GDA: variants seen among roughly 807,000 people sequenced by gnomAD.
GDA encodes the protein cytoplasmic PSD-95 interactor.
A neutral mutation model predicts 59.6 loss-of-function variants in GDA; 18 were observed. The ratio of observed to expected loss-of-function variants is 0.30; its 90% CI spans 0.21 to 0.45. The LOEUF is 0.45. Among genes scored for constraint, GDA ranks in the 20% least tolerant of loss-of-function variants. The pLI is 1.00. For synonymous variants in GDA, 201 were observed against 201.1 expected, an observed-to-expected ratio of 1.00 and a Z score of 0.00; for missense variants, 427 against 552.3, an observed-to-expected ratio of 0.77 and a Z score of 2.27.
chr9:72,137,439 G>C (rs1259582435), intron 1 of GDA, among the ~76,000 whole-genome samples: 1 of 151,576 alleles, frequency 6.6e-6, no homozygotes. Flanking sequence ...AGTAGAGATG[G>C]GTTTCACTGT....
chr9:72,256,255 C>T (rs1202087228), downstream of GDA, among the ~76,000 whole-genome samples: 1 of 152,068 alleles, frequency 6.6e-6, no homozygotes, highest in Non-Finnish European at 1.5e-5. Flanking sequence ...ATTTAATTTA[C>T]TAATCATGAA....
chr9:72,219,816 TCC>T (rs932628122), intron 6 of GDA, among the ~76,000 whole-genome samples: 89 of 152,338 alleles, frequency 5.8e-4, no homozygotes, highest in African/African-American at 1.9e-3. Flanking sequence ...ACACATCTAT[TCC>T]CACACACGCT....
chr9:72,234,367 A>G (rs760110570), intron 10 of GDA, among the ~76,000 whole-genome samples: 2 of 152,246 alleles, frequency 1.3e-5, no homozygotes, highest in African/African-American at 2.4e-5. Flanking sequence ...AATTGTTAAC[A>G]TTCTCCAAAC....
chr9:72,200,496 G>A (rs906947714), intron 2 of GDA, among the ~76,000 whole-genome samples: 10 of 144,854 alleles, frequency 6.9e-5, no homozygotes, highest in East Asian at 2.0e-4. Flanking sequence ...TCATTCACCC[G>A]TAACCTCCTC....
intron 11 of GDA, among the ~76,000 whole-genome samples, chr9:72,244,197 A>G (rs962786433): frequency 1.8e-4 from 27 of 152,066 alleles, no homozygotes; most frequent in South Asian, 6.2e-4. Flanking sequence ...AAAAGAAAGA[A>G]AGAAAATTGA....
At chr9:72,158,532 G>A (rs944964426) in intron 1 of GDA, among the ~76,000 whole-genome samples, 1 of 151,718 alleles carries the variant, frequency 6.6e-6, no homozygotes, top group East Asian at 1.9e-4. Flanking sequence ...GGCAGAGCTT[G>A]CAGTGAGCTG....
At chr9:72,126,955 T>C (rs1391665912) in intron 1 of GDA, among the ~76,000 whole-genome samples, 4 of 152,006 alleles carry the variant, frequency 2.6e-5, no homozygotes, top group Non-Finnish European at 5.9e-5. Flanking sequence ...CTTGAGCAAA[T>C]TACTAGCCGC....
chr9:72,161,375 AT>A (rs1475673993), intron 1 of GDA, among the ~76,000 whole-genome samples: 1 of 151,918 alleles, frequency 6.6e-6, no homozygotes, highest in African/African-American at 2.4e-5. Context: ...TGGTGCTTGG[AT>A]TTTTTTCACC....
intron 1 of GDA, among the ~76,000 whole-genome samples, chr9:72,173,589 C>T (rs1830231125): frequency 6.6e-6 from 1 of 151,972 alleles, no homozygotes. Context: ...CCTCAGCCTC[C>T]CAAAGTGCTA....
upstream of GDA, among the ~76,000 whole-genome samples, chr9:72,146,335 A>G (rs1826632274): frequency 6.6e-6 from 1 of 151,866 alleles, no homozygotes; most frequent in African/African-American, 2.4e-5. Flanking sequence ...AGGAAGTGAT[A>G]TGTGGGGGTG....
chr9:72,127,340 A>G (rs1825880124), intron 1 of GDA, among the ~76,000 whole-genome samples: 1 of 152,140 alleles, frequency 6.6e-6, no homozygotes, highest in Admixed American at 6.6e-5. Context: ...AAAGGATCTG[A>G]AAGAAAATCC....
intron 1 of GDA, among the ~76,000 whole-genome samples, chr9:72,189,166 C>CA (rs1450757127): frequency 1.8e-5 from 1 of 54,934 alleles, no homozygotes; most frequent in Non-Finnish European, 3.3e-5. Context: ...AGACTCTAGA[C>CA]TTTTTTTTTT....
At chr9:72,170,371 C>T (rs1468205554) in intron 1 of GDA, among the ~76,000 whole-genome samples, 1 of 152,172 alleles carries the variant, frequency 6.6e-6, no homozygotes, top group Non-Finnish European at 1.5e-5. Context: ...AAATAAAGCT[C>T]ATAGCTGTCT....
rs186205071 is a variant in GDA, at chr9:72,200,800, G to A, written c.213-1771G>A. On this transcript the variant is annotated intron_variant, in intron 2 of 13. Transcript: ENST00000358399. ...GCCCACTTAATGCTGCCTTCTTGAC[G>A]TCCTTAAAAATTTGTCACAGTTCTT... Among the ~76,000 whole-genome samples the A allele has an allele frequency of 1.2e-3, 183 of 152,192 alleles. 2 individuals are homozygous for A. Among genetic ancestry groups the A allele is most frequent in the Middle Eastern group, 3.4e-3 (1 of 294 alleles).
At chr9:72,153,760 C>T (rs548904500) in intron 1 of GDA, among the ~76,000 whole-genome samples, 71 of 141,776 alleles carry the variant, frequency 5.0e-4, no homozygotes, top group African/African-American at 1.8e-3. Flanking sequence ...GGAAATTGAA[C>T]AATGAGAACA....
intron 1 of GDA, among the ~76,000 whole-genome samples, chr9:72,185,972 T>A (rs1199978598): frequency 1.3e-5 from 2 of 152,198 alleles, no homozygotes; most frequent in African/African-American, 2.4e-5. Flanking sequence ...ACCTGCCAGC[T>A]GGGACCATGA....
intron 1 of GDA, among the ~76,000 whole-genome samples, chr9:72,191,749 C>A (rs1462088898): frequency 2.0e-5 from 3 of 152,086 alleles, no homozygotes; most frequent in Non-Finnish European, 4.4e-5. Context: ...CCACACCCAG[C>A]TGATTTTTTG....
intron 2 of GDA, among the ~76,000 whole-genome samples, chr9:72,201,144 A>C (rs1186051491): frequency 6.6e-6 from 1 of 151,442 alleles, no homozygotes; most frequent in African/African-American, 2.4e-5. Context: ...CAGCCCTATG[A>C]TGCTACTACT....
chr9:72,223,961 C>T (rs1476190409), intron 7 of GDA, among the ~76,000 whole-genome samples: 2 of 152,032 alleles, frequency 1.3e-5, no homozygotes, highest in African/African-American at 2.4e-5. Flanking sequence ...GTTTTTGTTT[C>T]CCAAATCTAT....
Sources: allele counts gnomAD v4.1 joint callset (sites outside exome capture counted in the v4.1 genomes callset), GRCh38; gene constraint gnomAD v4.1.1; transcripts MANE v1.5; gene names NCBI Gene and HGNC (gene_info 2026-07-23, HGNC 2026-07-21).